ROBO1: variants seen among roughly 807,000 people sequenced by gnomAD.
The protein encoded by ROBO1 is roundabout guidance receptor 1, also known as roundabout homolog 1.
Under a neutral mutation model 195.9 loss-of-function variants are expected in ROBO1, and 149 were observed. The observed-to-expected ratio is 0.76, with a 90% CI of 0.67 to 0.87. The LOEUF (loss-of-function observed/expected upper bound fraction) is 0.87, where lower values mean the gene tolerates loss of function less well. Among genes scored for constraint, ROBO1 ranks in the 40% least tolerant of loss-of-function variants. The probability of loss-of-function intolerance (pLI) is 0.00; values close to 1 mark genes in which losing one functional copy is unlikely to be tolerated. For synonymous variants in ROBO1, 816 were observed against 733.2 expected, an observed-to-expected ratio of 1.11 and a Z score of -1.82; for missense variants, 1,933 against 2,068.3, an observed-to-expected ratio of 0.93 and a Z score of 1.27.
At chr3:78,962,409 A>T (rs900715986) in intron 3 of ROBO1, among the ~76,000 whole-genome samples, 5 of 152,184 alleles carry the variant, frequency 3.3e-5, no homozygotes, top group African/African-American at 1.2e-4. Flanking sequence ...ATGGTAAATC[A>T]CTTGCACAAT....
chr3:79,140,605 T>A (rs2108611284), intron 2 of ROBO1, among the ~76,000 whole-genome samples: 1 of 152,262 alleles, frequency 6.6e-6, no homozygotes, highest in Middle Eastern at 3.4e-3. Context: ...TTAATTCAAA[T>A]TACAAACCAA....
At chr3:78,742,431 T>C (rs2082555365) in intron 5 of ROBO1, among the ~76,000 whole-genome samples, 1 of 152,214 alleles carries the variant, frequency 6.6e-6, no homozygotes, top group Admixed American at 6.5e-5. Context: ...ATTCTGTTTA[T>C]GTTCTAAGTT....
At chr3:79,165,779 T>G (rs921222100) in intron 2 of ROBO1, among the ~76,000 whole-genome samples, 33 of 152,200 alleles carry the variant, frequency 2.2e-4, no homozygotes, top group African/African-American at 7.7e-4. Context: ...TTGGATAGGC[T>G]TCAATCCCCA....
At chr3:79,225,364 G>T (rs2082208595) in intron 2 of ROBO1, among the ~76,000 whole-genome samples, 1 of 152,090 alleles carries the variant, frequency 6.6e-6, no homozygotes, top group African/African-American at 2.4e-5. Flanking sequence ...TACCAAGATT[G>T]TCTAGTTAAT....
At chr3:79,393,337 G>A (rs972517666) in intron 2 of ROBO1, among the ~76,000 whole-genome samples, 1 of 152,112 alleles carries the variant, frequency 6.6e-6, no homozygotes, top group African/African-American at 2.4e-5. Flanking sequence ...AGGAGTATTC[G>A]GTAATTTGAG....
At chr3:79,273,723 TG>T (rs1046413722) in intron 2 of ROBO1, among the ~76,000 whole-genome samples, 2 of 146,946 alleles carry the variant, frequency 1.4e-5, no homozygotes, top group Admixed American at 6.8e-5. Context: ...AGTGACTGAA[TG>T]AAAAAAAAAA....
intron 1 of ROBO1, among the ~76,000 whole-genome samples, chr3:79,757,817 G>A (rs1208723275): frequency 7.2e-6 from 1 of 139,228 alleles, no homozygotes; most frequent in Non-Finnish European, 1.6e-5. Context: ...ATGACCACTG[G>A]CTCAATCGCA....
In ROBO1 at chr3:78,639,913, A is replaced by T. The variant is rs754157024; in HGVS notation, c.2883-15T>A. 9 of 1,512,746 alleles carry T rather than the reference A, an allele frequency of 5.9e-6. No individual in the cohort carries two copies. In the Admixed American group the frequency reaches 1.4e-4, roughly 23 times the overall value. The allele number at this position is 1,512,746 out of a possible 1,614,324, so 93.7% of individuals were successfully genotyped here. On this transcript the variant is annotated splice_polypyrimidine_tract_variant and intron_variant, in intron 21 of 30. Transcript: ENST00000464233. ...GAAGTCCAGGCCTAAATAAAAAAAA[A>T]ATATTAAAGCAAATGTTATATGAAT...
At chr3:78,828,770 T>C (rs1471061305) in intron 4 of ROBO1, among the ~76,000 whole-genome samples, 2 of 152,210 alleles carry the variant, frequency 1.3e-5, no homozygotes, top group African/African-American at 4.8e-5. Context: ...CATAGAAGGA[T>C]GTCAGAAATC....
intron 2 of ROBO1, among the ~76,000 whole-genome samples, chr3:79,296,619 T>C (rs1418562220): frequency 2.0e-5 from 3 of 152,164 alleles, no homozygotes; most frequent in Non-Finnish European, 4.4e-5. Flanking sequence ...TGAAATGGAA[T>C]TGCATTATCT....
At chr3:79,438,390 C>T (rs2038953806) in intron 2 of ROBO1, among the ~76,000 whole-genome samples, 1 of 151,818 alleles carries the variant, frequency 6.6e-6, no homozygotes, top group African/African-American at 2.4e-5. Flanking sequence ...ATCTTTCATG[C>T]CCAAGTGCGC....
chr3:78,861,475 G>T (rs1262650682), intron 4 of ROBO1, among the ~76,000 whole-genome samples: 1 of 152,062 alleles, frequency 6.6e-6, no homozygotes, highest in African/African-American at 2.4e-5. Flanking sequence ...ATTTCCTGGG[G>T]TTTAAAAGCT....
At chr3:78,668,710 AT>A in intron 11 of ROBO1, 145 bp from the exon 12 acceptor site, 3 of 625,664 alleles carry the variant, frequency 4.8e-6, no homozygotes, top group Non-Finnish European at 8.3e-6. Context: ...AGTTGAATAT[AT>A]TTTTATTGAA....
chr3:79,227,453 T>C (rs528075799), intron 2 of ROBO1, among the ~76,000 whole-genome samples: 40 of 152,320 alleles, frequency 2.6e-4, no homozygotes, highest in Non-Finnish European at 4.9e-4. Flanking sequence ...TAATGCAGTA[T>C]TGTTATCCAT....
intron 2 of ROBO1, among the ~76,000 whole-genome samples, chr3:79,581,601 T>C (rs1251578280): frequency 6.6e-6 from 1 of 152,146 alleles, no homozygotes; most frequent in African/African-American, 2.4e-5. Context: ...CATCTTCAAC[T>C]GATTGATAGT....
chr3:79,001,624 G>T (rs1187417011), intron 3 of ROBO1, among the ~76,000 whole-genome samples: 1 of 152,054 alleles, frequency 6.6e-6, no homozygotes. Context: ...ATCTATATAT[G>T]AGTTAGTTTC....
At chr3:79,552,496 T>G (rs912492811) in intron 2 of ROBO1, among the ~76,000 whole-genome samples, 1 of 152,102 alleles carries the variant, frequency 6.6e-6, no homozygotes, top group Non-Finnish European at 1.5e-5. Context: ...GAAACTGAGT[T>G]TTATAGAAGC....
intron 3 of ROBO1, among the ~76,000 whole-genome samples, chr3:79,103,743 CAT>C (rs1271985660): frequency 2.0e-5 from 3 of 151,554 alleles, no homozygotes; most frequent in Admixed American, 6.6e-5. Flanking sequence ...CAGACACAAA[CAT>C]ATATACATAT....
intron 4 of ROBO1, among the ~76,000 whole-genome samples, chr3:78,897,746 C>T (rs2037324035): frequency 6.6e-6 from 1 of 151,926 alleles, no homozygotes; most frequent in Admixed American, 6.6e-5. Context: ...ACTCATAATT[C>T]CCACATATCT....
Sources: allele counts gnomAD v4.1 joint callset (sites outside exome capture counted in the v4.1 genomes callset), GRCh38; gene constraint gnomAD v4.1.1; transcripts MANE v1.5; gene names NCBI Gene and HGNC (gene_info 2026-07-23, HGNC 2026-07-21).